Variants in PLD2 observed in about 807,000 individuals in gnomAD.
PLD2 encodes choline phosphatase 2.
A neutral mutation model predicts 119.8 loss-of-function variants in PLD2; 101 were observed. The observed-to-expected ratio is 0.84, with a 90% CI of 0.72 to 0.99. PLD2 has a LOEUF of 0.99. PLD2 is among the 50% of genes least tolerant of loss of function. The probability of loss-of-function intolerance (pLI) is 0.00; values close to 1 mark genes in which losing one functional copy is unlikely to be tolerated. For synonymous variants in PLD2, 494 were observed against 482.8 expected (o/e 1.02, Z -0.30); for missense variants, 1,164 against 1,226.8 (o/e 0.95, Z 0.76).
chr17:4,819,069 C>T lies in PLD2; in HGVS notation c.2174-15C>T. On this transcript the variant is annotated splice_polypyrimidine_tract_variant and intron_variant, in intron 21 of 24. Coordinates refer to ENST00000263088, the MANE Select transcript of PLD2 (RefSeq NM_002663.5). This position sits in a 1 kb window ranked among gnomAD's most constrained non-coding sequence, Gnocchi z 4.2. ...CAGAGCCACCTCTCACCTCACTTCC[C>T]CTCCTGTCACGCAGTGGGGACAGCA... 6.2e-7 allele frequency: 1 copy of T among 1,613,786 alleles called. No individual in the cohort carries two copies.
intron 20 of PLD2, 64 bp downstream of exon 20, chr17:4,818,671 C>G: frequency 6.4e-7 from 1 of 1,552,012 alleles, no homozygotes; most frequent in Non-Finnish European, 8.9e-7. Context: ...CCTCCTGATT[C>G]TGTCCTGATC....
rs1906028441 is a variant in PLD2, at chr17:4,807,849, A to T, written c.77A>T (p.Glu26Val). Residue 26 changes from glutamate (E) to valine (V), a missense_variant, in exon 2 of 25, where the codon GAG becomes GTG. By Grantham distance (121) the Glu-to-Val change is moderately radical (BLOSUM62 -2). Coordinates refer to ENST00000263088, the MANE Select transcript of PLD2 (RefSeq NM_002663.5). The surrounding 1 kb of genome is among the most constrained non-coding windows in gnomAD (Gnocchi z 5.4). ...DSSQLQMESDEVDTLKEGEDP... is the reference protein window; with the variant it reads ...DSSQLQMESDVVDTLKEGEDP... ...AGCCAGCTCCAGATGGAGTCCGATG[A>T]GGTGGACACCCTGAAGGAGGGAGAG... 2 of 1,612,972 alleles carry T rather than the reference A, an allele frequency of 1.2e-6. No homozygotes were observed. The highest frequency in any genetic ancestry group is 2.7e-5 in the African/African-American group (2 of 74,890).
chr17:4,820,277 T>C (rs1482886878), intron 23 of PLD2, among the ~76,000 whole-genome samples: 2 of 150,294 alleles, frequency 1.3e-5, no homozygotes, highest in Non-Finnish European at 3.0e-5. Flanking sequence ...GTTGTTGTTG[T>C]TGTTGTTGAG....
rs1907828128 is a variant in PLD2 at position 4,822,871 on chromosome 17, C to A, written c.*7C>A. On this transcript the variant is annotated 3_prime_UTR_variant, in exon 25 of 25. Coordinates refer to ENST00000263088, the MANE Select transcript of PLD2 (RefSeq NM_002663.5). ...CCTAGAAGTGTGGACATAGTTGAGG[C>A]CCCCGTCAGGGAGAGGTCACCAGCT... 7 of 1,520,562 alleles carry A rather than the reference C, an allele frequency of 4.6e-6. No homozygotes were observed. The highest frequency in any genetic ancestry group is 1.4e-5 in the African/African-American group (1 of 73,354). The allele number at this position is 1,520,562 out of a possible 1,614,324, so 94.2% of individuals were successfully genotyped here.
chr17:4,814,191 C>T, intron 10 of PLD2: 3 of 521,454 alleles, frequency 5.8e-6, no homozygotes, highest in East Asian at 3.9e-5. Flanking sequence ...ATTAATCCTC[C>T]TGTTCTTTAG....
chr17:4,811,301 T>TC (rs1186907614), intron 10 of PLD2, among the ~76,000 whole-genome samples: 3 of 145,552 alleles, frequency 2.1e-5, no homozygotes, highest in Admixed American at 6.9e-5. Context: ...TCTTTTCTTT[T>TC]TTTTTTTTTT....
chr17:4,814,731 C>G lies in PLD2; in HGVS notation c.1173+20C>G. 6.2e-7 allele frequency: 1 copy of G among 1,610,542 alleles called. No individual in the cohort carries two copies. The highest frequency in any genetic ancestry group is 8.5e-7 in the Non-Finnish European group (1 of 1,177,082). On this transcript the variant is annotated intron_variant, in intron 12 of 24. Transcript: ENST00000263088. ...AAGGCGGTGAGGAGAGTGGTCAGGC[C>G]GCAGGGGGAGGGGGTTGCCTGTGGG...
In PLD2 at chr17:4,807,749, C is replaced by T. The variant is rs1299470438; in HGVS notation, c.-1-23C>T. 7.0e-7 allele frequency: 1 copy of T among 1,420,634 alleles called. No individual in the cohort carries two copies. The highest frequency in any genetic ancestry group is 1.4e-5 in the African/African-American group (1 of 71,192). The allele number at this position is 1,420,634 out of a possible 1,614,324, so 88.0% of individuals were successfully genotyped here. On this transcript the variant is annotated intron_variant, in intron 1 of 24. Coordinates refer to ENST00000263088, the MANE Select transcript of PLD2 (RefSeq NM_002663.5). The surrounding 1 kb of genome is among the most constrained non-coding windows in gnomAD (Gnocchi z 5.4). ...GGGTTCTGCAGGACAGCTCGCCTCCCTGAGGCTTCCCAATGTTCCTAGGAT... is the reference window on the plus strand; with the variant it reads ...GGGTTCTGCAGGACAGCTCGCCTCCTTGAGGCTTCCCAATGTTCCTAGGAT...
intron 4 of PLD2, 77 bp from the exon 5 acceptor site, chr17:4,809,023 C>T: frequency 8.8e-7 from 1 of 1,139,146 alleles, no homozygotes; most frequent in South Asian, 1.3e-5. Flanking sequence ...TCCTCCGAGC[C>T]CCATCTCCAG....
Position 4,819,443 on chromosome 17 carries a change from A to G in PLD2, c.2323A>G (p.Asn775Asp). 1 of 1,613,766 alleles carries G rather than the reference A, an allele frequency of 6.2e-7. No homozygotes were observed. Among genetic ancestry groups the G allele is most frequent in the Non-Finnish European group, 8.5e-7 (1 of 1,179,876 alleles). ...ATCCACCCCAGGTTCTGCAAACATC[A>G]ATGACCGGAGCTTGCTGGGGAAGCG... Reference protein sequence around the residue: ...RTVIIGSANINDRSLLGKRDS... With the variant: ...RTVIIGSANIDDRSLLGKRDS... Residue 775 changes from asparagine to aspartate, a missense_variant, in exon 23 of 25, where the codon AAT becomes GAT. Physicochemically the swap from Asn to Asp is conservative, Grantham distance 23. Coordinates refer to ENST00000263088, the MANE Select transcript of PLD2 (RefSeq NM_002663.5). The surrounding 1 kb of genome is among the most constrained non-coding windows in gnomAD (Gnocchi z 4.2).
chr17:4,810,831 G>GT lies in PLD2; in HGVS notation c.890_891insT (p.Gln298AlafsTer11). The GT allele has an allele frequency of 6.2e-7, 1 of 1,613,212 alleles. No homozygotes were observed. The highest frequency in any genetic ancestry group is 1.3e-5 in the African/African-American group (1 of 74,938). On this transcript the variant is annotated frameshift_variant, in exon 10 of 25. Coordinates refer to ENST00000263088, the MANE Select transcript of PLD2 (RefSeq NM_002663.5). LOFTEE classifies it high-confidence loss of function. ...TTGATTCTCAAGTGCAGCAGCTACC[G>GT]GCAGGCACGGTGGTGGGCCCAAGAG...
intron 14 of PLD2, 74 bp downstream of exon 14, chr17:4,816,008 C>T: frequency 9.0e-7 from 1 of 1,114,192 alleles, no homozygotes; most frequent in Non-Finnish European, 1.4e-6. Flanking sequence ...CCAGCTCCAG[C>T]CTTACCCCCT....
Position 4,810,919 on chromosome 17 carries a change from C to T in PLD2, c.978C>T (p.Tyr326=), listed in dbSNP as rs151122487. The T allele has an allele frequency of 3.0e-5, 49 of 1,613,038 alleles. No homozygotes were observed. The highest frequency in any genetic ancestry group is 2.0e-4 in the African/African-American group (15 of 75,040). The change falls in exon 10 of 25, where the codon TAC becomes TAT. Residue 326 remains tyrosine, a synonymous_variant. Coordinates refer to ENST00000263088, the MANE Select transcript of PLD2 (RefSeq NM_002663.5). ...DFLQLHRHDS[Y]APPRPGTLAR... The stretch of plus-strand genomic sequence containing the variant: ...TACAGCTGCACCGGCATGACAGCTA[C>T]GCCCCACCCCGGCCTGGGACCTTGG...
chr17:4,808,140 G>A lies in PLD2; in HGVS notation c.240+26G>A. 1.3e-6 allele frequency: 2 copies of A among 1,599,238 alleles called. No homozygotes were observed. Among genetic ancestry groups the A allele is most frequent in the Non-Finnish European group, 1.7e-6 (2 of 1,168,684 alleles). Reference sequence around the variant, plus strand: ...GTGGCCAGACTGGCCCCAGGGAGGGGGAAAGGGAGGGCGGCCCGGAATGGA... The same window carrying A: ...GTGGCCAGACTGGCCCCAGGGAGGGAGAAAGGGAGGGCGGCCCGGAATGGA... On this transcript the variant is annotated intron_variant, in intron 3 of 24. Coordinates refer to ENST00000263088, the MANE Select transcript of PLD2 (RefSeq NM_002663.5). The surrounding 1 kb of genome is among the most constrained non-coding windows in gnomAD (Gnocchi z 4.1).
rs764354214 is a variant in PLD2 at position 4,814,648 on chromosome 17, T to C, written c.1110T>C (p.Val370=). 34 of 1,614,020 alleles carry C rather than the reference T, an allele frequency of 2.1e-5. No individual in the cohort carries two copies. The highest frequency in any genetic ancestry group is 2.8e-5 in the Non-Finnish European group (33 of 1,180,004). ...TGAATCCCAGGTTGAGTCCTGAGGT[T>C]TACCTGAAGCGTCCGGCCCATTCAG... is the stretch of plus-strand genomic sequence containing the variant. ...FITDWWLSPE[V]YLKRPAHSDD... is the part of the protein sequence containing the mutation. The change falls in exon 12 of 25, where the codon GTT becomes GTC. Residue 370 remains valine (V), a synonymous_variant. Transcript: ENST00000263088.
chr17:4,808,313 G>A lies in PLD2; in HGVS notation c.280G>A (p.Gly94Ser), dbSNP rs1423936539. Residue 94 changes from glycine (G) to serine (S), a missense_variant, in exon 4 of 25, where the codon GGC becomes AGC. By Grantham distance (56) the Gly-to-Ser change is moderately conservative (BLOSUM62 0). Transcript: ENST00000263088. This position sits in a 1 kb window ranked among gnomAD's most constrained non-coding sequence, Gnocchi z 4.1. ...TCTGTATTCTGTCCGCTTGACTCAC[G>A]GCGACTTTTCCTGGACAACCAAGAA... Reference protein sequence around the residue: ...CTLYSVRLTHGDFSWTTKKKY... With the variant: ...CTLYSVRLTHSDFSWTTKKKY... The A allele has an allele frequency of 2.5e-6, 4 of 1,614,030 alleles. No homozygotes were observed. The highest frequency in any genetic ancestry group is 2.2e-5 in the East Asian group (1 of 44,868).
At chr17:4,820,111 A>G (rs542511277) in intron 23 of PLD2, among the ~76,000 whole-genome samples, 8 of 147,358 alleles carry the variant, frequency 5.4e-5, no homozygotes, top group Admixed American at 4.8e-4. Context: ...CGCCCAGCTA[A>G]TTTTGTATTT....
intron 24 of PLD2, 95 bp from the exon 25 acceptor site, chr17:4,822,545 A>C: frequency 1.6e-5 from 12 of 764,058 alleles, no homozygotes; most frequent in Admixed American, 2.5e-5. Flanking sequence ...GGGGGTATGG[A>C]GAGATGGTAT....
At position 4,819,081 on chromosome 17, in the gene PLD2, C is replaced by G; in HGVS notation, c.2174-3C>G. On this transcript the variant is annotated splice_region_variant and splice_polypyrimidine_tract_variant and intron_variant, in intron 21 of 24. Coordinates refer to ENST00000263088, the MANE Select transcript of PLD2 (RefSeq NM_002663.5). This position sits in a 1 kb window ranked among gnomAD's most constrained non-coding sequence, Gnocchi z 4.2. The stretch of plus-strand genomic sequence containing the variant: ...TCACCTCACTTCCCCTCCTGTCACG[C>G]AGTGGGGACAGCATGGCGGGACTAT... The G allele has an allele frequency of 6.2e-7, 1 of 1,614,080 alleles. No homozygotes were observed. Among genetic ancestry groups the G allele is most frequent in the Non-Finnish European group, 8.5e-7 (1 of 1,179,942 alleles).
Sources: allele counts gnomAD v4.1 joint callset (sites outside exome capture counted in the v4.1 genomes callset), GRCh38; gene constraint gnomAD v4.1.1; non-coding constraint Gnocchi (gnomAD v3.1); transcripts MANE v1.5; gene names NCBI Gene and HGNC (gene_info 2026-07-23, HGNC 2026-07-21).